Variants in PARN observed in about 807,000 individuals in gnomAD.
PARN encodes the protein poly(A)-specific ribonuclease PARN.
Under a neutral mutation model 102.8 loss-of-function variants are expected in PARN, and 71 were observed. The ratio of observed to expected loss-of-function variants is 0.69; its 90% CI spans 0.57 to 0.84. PARN has a LOEUF of 0.84. Among genes scored for constraint, PARN ranks in the 40% least tolerant of loss-of-function variants. PARN has a pLI of 0.00. For synonymous variants in PARN, 261 were observed against 252.9 expected (o/e 1.03, Z -0.30); for missense variants, 782 against 760.9 (o/e 1.03, Z -0.33).
At chr16:14,485,884 C>T (rs1474737529) in intron 21 of PARN, among the ~76,000 whole-genome samples, 1 of 152,136 alleles carries the variant, frequency 6.6e-6, no homozygotes, top group Non-Finnish European at 1.5e-5. Flanking sequence ...GACAGGGTTT[C>T]ACCGTGTTGG....
intron 11 of PARN, among the ~76,000 whole-genome samples, chr16:14,602,551 T>G (rs999903474): frequency 5.9e-5 from 9 of 152,164 alleles, no homozygotes; most frequent in African/African-American, 2.2e-4. Flanking sequence ...GGAACATCTT[T>G]TTCCACTCTA....
intron 22 of PARN, among the ~76,000 whole-genome samples, chr16:14,462,928 G>C (rs191318334): frequency 1.7e-4 from 26 of 152,324 alleles, no homozygotes; most frequent in African/African-American, 6.3e-4. Context: ...AAACTAACGA[G>C]GTGAACCCAG....
At chr16:14,564,063 C>T (rs1968273099) in intron 18 of PARN, among the ~76,000 whole-genome samples, 1 of 152,108 alleles carries the variant, frequency 6.6e-6, no homozygotes, top group Non-Finnish European at 1.5e-5. Context: ...CCCTAAGCTT[C>T]CCACTACCCG....
At chr16:14,602,229 C>G (rs1448749817) in intron 11 of PARN, 1 of 152,150 alleles carries the variant, frequency 6.6e-6, no homozygotes, top group Non-Finnish European at 1.5e-5. Flanking sequence ...GCTGACTGCC[C>G]CTTTTTCTCT....
At chr16:14,589,695 G>A (rs935401725) in intron 13 of PARN, among the ~76,000 whole-genome samples, 3 of 151,304 alleles carry the variant, frequency 2.0e-5, no homozygotes, top group Non-Finnish European at 3.0e-5. Context: ...GCGAAATCCC[G>A]TCTCTACTAA....
At chr16:14,533,036 T>C in intron 21 of PARN, among the ~76,000 whole-genome samples, 1 of 151,938 alleles carries the variant, frequency 6.6e-6, no homozygotes, top group Non-Finnish European at 1.5e-5. Flanking sequence ...TCTCAGCACT[T>C]TGGGAGGCCA....
intron 21 of PARN, among the ~76,000 whole-genome samples, chr16:14,549,487 T>G (rs986183442): frequency 6.6e-6 from 1 of 152,188 alleles, no homozygotes; most frequent in Non-Finnish European, 1.5e-5. Context: ...GATTCTGAAA[T>G]GTAGCTCCCT....
intron 21 of PARN, among the ~76,000 whole-genome samples, chr16:14,543,899 A>C (rs1015071875): frequency 6.6e-6 from 1 of 152,220 alleles, no homozygotes; most frequent in Non-Finnish European, 1.5e-5. Flanking sequence ...AGAAGAAATA[A>C]AAAAGCAAAA....
intron 18 of PARN, among the ~76,000 whole-genome samples, chr16:14,565,790 C>A (rs553648320): frequency 3.9e-5 from 6 of 152,344 alleles, no homozygotes; most frequent in African/African-American, 1.4e-4. Flanking sequence ...ATCCCTGACT[C>A]TGCCACTCCT....
rs1182898203 is a variant in PARN, at chr16:14,507,253, G to A, written c.1481-24426C>T. Among the ~76,000 whole-genome samples, 3 of 152,146 alleles carry A rather than the reference G, an allele frequency of 2.0e-5. No individual in the cohort carries two copies. The East Asian group carries it at 5.8e-4, about 29-fold the overall frequency. ...AGGCAGGAGAATCACTTGAACCTGGGAGGTGGAGGTTGCGGTGAGCTGAGA... is the reference window on the plus strand; with the variant it reads ...AGGCAGGAGAATCACTTGAACCTGGAAGGTGGAGGTTGCGGTGAGCTGAGA... On this transcript the variant is annotated intron_variant, in intron 21 of 23. Transcript: ENST00000437198.
intron 22 of PARN, among the ~76,000 whole-genome samples, chr16:14,450,600 G>C (rs186260755): frequency 4.1e-4 from 62 of 152,130 alleles, no homozygotes; most frequent in Admixed American, 1.6e-3. Flanking sequence ...AAAATTCCCA[G>C]CTCTGTCTAC....
intron 23 of PARN, among the ~76,000 whole-genome samples, chr16:14,445,772 C>G (rs1391111217): frequency 6.6e-6 from 1 of 152,158 alleles, no homozygotes; most frequent in Non-Finnish European, 1.5e-5. Flanking sequence ...CCATGTTGGC[C>G]ATGCTGGTCT....
At chr16:14,566,970 C>T (rs538659784) in intron 18 of PARN, among the ~76,000 whole-genome samples, 3 of 152,342 alleles carry the variant, frequency 2.0e-5, no homozygotes, top group Non-Finnish European at 4.4e-5. Context: ...AGTCCCTTCC[C>T]TGAAGTAGCA....
intron 8 of PARN, 125 bp downstream of exon 8, chr16:14,608,933 T>G: frequency 1.6e-5 from 10 of 632,272 alleles, no homozygotes; most frequent in East Asian, 5.5e-5. Flanking sequence ...GTTTAATTCT[T>G]GAGAACATAG....
chr16:14,481,169 T>C (rs1045856897), intron 22 of PARN, among the ~76,000 whole-genome samples: 1 of 152,048 alleles, frequency 6.6e-6, no homozygotes, highest in East Asian at 1.9e-4. Flanking sequence ...GACAAAAAAA[T>C]TATCTTACTG....
chr16:14,561,754 A>C (rs1158493616), intron 18 of PARN, among the ~76,000 whole-genome samples: 1 of 152,116 alleles, frequency 6.6e-6, no homozygotes, highest in Non-Finnish European at 1.5e-5. Flanking sequence ...GGCTGCAATG[A>C]GCTATAACAT....
At chr16:14,469,090 G>C (rs1000714260) in intron 22 of PARN, among the ~76,000 whole-genome samples, 5 of 152,098 alleles carry the variant, frequency 3.3e-5, no homozygotes, top group African/African-American at 1.2e-4. Flanking sequence ...CTGAGGTTAG[G>C]AATTCAAGAC....
chr16:14,470,039 T>TA (rs1555481539), intron 22 of PARN, among the ~76,000 whole-genome samples: 1 of 152,164 alleles, frequency 6.6e-6, no homozygotes, highest in Non-Finnish European at 1.5e-5. Context: ...GTTAGAAACA[T>TA]AGATGATAAT....
chr16:14,438,800 A>G (rs1463626033), intron 23 of PARN, among the ~76,000 whole-genome samples: 3 of 152,176 alleles, frequency 2.0e-5, no homozygotes, highest in Non-Finnish European at 4.4e-5. Context: ...CTACCTGTAC[A>G]GCTGCTGAGC....
Sources: allele counts gnomAD v4.1 joint callset (sites outside exome capture counted in the v4.1 genomes callset), GRCh38; gene constraint gnomAD v4.1.1; transcripts MANE v1.5; gene names NCBI Gene and HGNC (gene_info 2026-07-23, HGNC 2026-07-21).